Variants in TENT5C observed in about 807,000 individuals in gnomAD.
TENT5C encodes family with sequence similarity 46 member C.
TENT5C carries 5 observed loss-of-function variants against 22.2 expected under a neutral mutation model. The ratio of observed to expected loss-of-function variants is 0.22; its 90% CI spans 0.12 to 0.47. The LOEUF (loss-of-function observed/expected upper bound fraction) is 0.47, where lower values mean the gene tolerates loss of function less well. Ranked by LOEUF, TENT5C falls within the 20% of genes least tolerant of loss-of-function variation. The pLI, the probability that TENT5C is intolerant of heterozygous loss-of-function variation, is 0.99. For synonymous variants in TENT5C, 199 were observed against 195.4 expected (o/e 1.02, Z -0.15); for missense variants, 364 against 500.9 (o/e 0.73, Z 2.61).
chr1:117,613,096 G>A (rs192092836), intron 1 of TENT5C, among the ~76,000 whole-genome samples: 4 of 152,264 alleles, frequency 2.6e-5, no homozygotes, highest in Non-Finnish European at 5.9e-5. Context: ...CTCTCTTTGG[G>A]GAGCTCTTTA....
chr1:117,615,592 T>A (rs1653763371), intron 1 of TENT5C, among the ~76,000 whole-genome samples: 1 of 152,244 alleles, frequency 6.6e-6, no homozygotes, highest in African/African-American at 2.4e-5. Context: ...TGGCCATGGC[T>A]GTGGCTGCCG....
chr1:117,615,495 T>G (rs962392595), intron 1 of TENT5C, among the ~76,000 whole-genome samples: 8 of 152,264 alleles, frequency 5.3e-5, no homozygotes, highest in African/African-American at 1.9e-4. Context: ...CTGAAAGCAC[T>G]GTTTTACTGC....
chr1:117,613,494 T>C (rs1447681224), intron 1 of TENT5C, among the ~76,000 whole-genome samples: 2 of 152,142 alleles, frequency 1.3e-5, no homozygotes, highest in Admixed American at 6.5e-5. Flanking sequence ...AGCTTTCTGT[T>C]TGGAGTTGTC....
intron 1 of TENT5C, among the ~76,000 whole-genome samples, chr1:117,615,184 A>AT (rs1653755103): frequency 1.3e-5 from 2 of 152,066 alleles, no homozygotes; most frequent in East Asian, 1.9e-4. Flanking sequence ...CTACCATCTT[A>AT]TTTTTTAAAA....
Position 117,612,843 on chromosome 1 carries a change from G to A in TENT5C, c.-28+6690G>A, listed in dbSNP as rs1653698647. Among the ~76,000 whole-genome samples the A allele has an allele frequency of 2.0e-5, 3 of 152,356 alleles. No individual in the cohort carries two copies. In the South Asian group the frequency reaches 6.2e-4, roughly 32 times the overall value. On this transcript the variant is annotated intron_variant, in intron 1 of 1. Coordinates refer to ENST00000369448, the MANE Select transcript of TENT5C (RefSeq NM_017709.4). ...TAAGGCCTGGGCAGGGAAGCTGCTA[G>A]TGATTAGACAGGACTTTTAGCTGAC...
At position 117,624,019 on chromosome 1, in the gene TENT5C, A is replaced by G. The variant is rs749590706; in HGVS notation, c.1151A>G (p.Tyr384Cys). 10 of 1,613,170 alleles carry G rather than the reference A, an allele frequency of 6.2e-6. No homozygotes were observed. The East Asian group carries it at 2.2e-4, about 36-fold the overall frequency. ...CCTCCAGTCACCTACAGCCAGCCTT[A>G]CCCTACCTGGCTGCCCTGTAACTAA... ...AHPPVTYSQP[Y>C]PTWLPCN Residue 384 changes from tyrosine (Y) to cysteine (C), a missense_variant, in exon 2 of 2, where the codon TAC becomes TGC. This residue lies in a region of TENT5C where 54 missense variants were observed against 76.5 expected (regional missense o/e 0.71). Coordinates refer to ENST00000369448, the MANE Select transcript of TENT5C (RefSeq NM_017709.4).
At chr1:117,615,857 A>G (rs949642681) in intron 1 of TENT5C, among the ~76,000 whole-genome samples, 1 of 152,166 alleles carries the variant, frequency 6.6e-6, no homozygotes, top group African/African-American at 2.4e-5. Flanking sequence ...GCTTTTTGCT[A>G]TCTTTGGTGT....
Position 117,625,439 on chromosome 1 carries a change from G to C in TENT5C, c.*1395G>C. The C allele has an allele frequency of 4.0e-6, 1 of 248,162 alleles. No homozygotes were observed. The allele number at this position is 248,162 out of a possible 1,614,324, so 15.4% of individuals were successfully genotyped here. ...TAATCTGTAGTTGAAAGAAAGCTTA[G>C]TAGATGAGAGAGTTCTAGGCTACTG... On this transcript the variant is annotated 3_prime_UTR_variant, in exon 2 of 2. Coordinates refer to ENST00000369448, the MANE Select transcript of TENT5C (RefSeq NM_017709.4).
chr1:117,607,291 C>T (rs752116982), intron 1 of TENT5C, among the ~76,000 whole-genome samples: 2 of 152,084 alleles, frequency 1.3e-5, no homozygotes, highest in African/African-American at 4.8e-5. Flanking sequence ...CCTTTTTTGT[C>T]CATAGGTAGG....
At chr1:117,622,023 G>GC (rs756134862) in intron 1 of TENT5C, among the ~76,000 whole-genome samples, 2 of 152,172 alleles carry the variant, frequency 1.3e-5, no homozygotes, top group Non-Finnish European at 2.9e-5. Context: ...GGCGCACACT[G>GC]CCCGGGGGAA....
rs910411986 is a variant in TENT5C, at chr1:117,626,186, C to G, written c.*2142C>G. On this transcript the variant is annotated 3_prime_UTR_variant, in exon 2 of 2. Transcript: ENST00000369448. Reference sequence around the variant, plus strand: ...CTAACAGAAATCAGTATTTCTTCTACTTAGAAGGCTTGGGGCCCAGGGTAA... The same window carrying G: ...CTAACAGAAATCAGTATTTCTTCTAGTTAGAAGGCTTGGGGCCCAGGGTAA... The G allele has an allele frequency of 8.1e-6, 2 of 246,838 alleles. No individual in the cohort carries two copies. Among genetic ancestry groups the G allele is most frequent in the African/African-American group, 2.2e-5 (1 of 45,062 alleles). The allele number at this position is 246,838 out of a possible 1,614,324, so 15.3% of individuals were successfully genotyped here.
chr1:117,618,877 T>C lies in TENT5C; in HGVS notation c.-27-3965T>C, dbSNP rs1653840161. ...GTGTAAGCACAGACTTTAACAGTTT[T>C]GCTGTTAGCAGTTTTGCTATTAACT... is the stretch of plus-strand genomic sequence containing the variant. On this transcript the variant is annotated intron_variant, in intron 1 of 1. Transcript: ENST00000369448. Among the ~76,000 whole-genome samples the C allele has an allele frequency of 2.0e-5, 3 of 152,206 alleles. No individual in the cohort carries two copies. In the South Asian group the frequency reaches 6.2e-4, roughly 31 times the overall value.
intron 1 of TENT5C, among the ~76,000 whole-genome samples, chr1:117,608,050 C>T (rs1378333108): frequency 6.8e-6 from 1 of 147,538 alleles, no homozygotes; most frequent in Non-Finnish European, 1.5e-5. Flanking sequence ...GGTAGCTATG[C>T]GGGGGTAGGG....
At chr1:117,622,683 A>G (rs1370865845) in intron 1 of TENT5C, among the ~76,000 whole-genome samples, 159 bp from the exon 2 acceptor site, 1 of 152,200 alleles carries the variant, frequency 6.6e-6, no homozygotes, top group East Asian at 1.9e-4. Flanking sequence ...TGTTTTTTAC[A>G]TATTTAACTC....
chr1:117,619,620 A>G (rs1368573183), intron 1 of TENT5C, among the ~76,000 whole-genome samples: 1 of 152,184 alleles, frequency 6.6e-6, no homozygotes, highest in Admixed American at 6.5e-5. Flanking sequence ...GTATAAGTAT[A>G]TATAAATGCA....
Position 117,626,799 on chromosome 1 carries a change from T to C in TENT5C, c.*2755T>C, listed in dbSNP as rs760868850. ...TAATCTAAAGTTAAGCAGTCTCTTA[T>C]TTGTTTCGGGACTCTGATTTGACTC... On this transcript the variant is annotated 3_prime_UTR_variant, in exon 2 of 2. Transcript: ENST00000369448. 1.2e-4 allele frequency: 29 copies of C among 248,052 alleles called. No individual in the cohort carries two copies. The highest frequency in any genetic ancestry group is 2.4e-4 in the Non-Finnish European group (28 of 118,148). 15.4% of individuals were successfully genotyped at this position (248,052 alleles called of 1,614,324 possible).
rs907406573 is a variant in TENT5C, at chr1:117,618,322, GA to G, written c.-27-4510del. 6.1e-5 allele frequency among the ~76,000 whole-genome samples: 9 copies of G among 148,126 alleles called. No individual in the cohort carries two copies. In the East Asian group the frequency reaches 7.8e-4, roughly 13 times the overall value. On this transcript the variant is annotated intron_variant, in intron 1 of 1. Transcript: ENST00000369448. ...TGAGAAATAGCAATTCTGTGAAACT[GA>G]AAAAAAAAATTTCTTTTGGTTAACA... is the stretch of plus-strand genomic sequence containing the variant.
At chr1:117,612,347 C>CA (rs1553248764) in intron 1 of TENT5C, among the ~76,000 whole-genome samples, 1 of 145,226 alleles carries the variant, frequency 6.9e-6, no homozygotes, top group Non-Finnish European at 1.5e-5. Context: ...GGTGCTCATT[C>CA]TTTTTTTTTT....
chr1:117,610,983 C>T (rs545787023), intron 1 of TENT5C, among the ~76,000 whole-genome samples: 71 of 152,326 alleles, frequency 4.7e-4, no homozygotes, highest in South Asian at 1.7e-3. Flanking sequence ...ACTGCCCACA[C>T]CCTCTTCCGT....
Sources: gnomAD v4.1 joint callset for allele counts (sites outside exome capture counted in the v4.1 genomes callset) on GRCh38, gnomAD v4.1.1 for gene constraint, gnomAD v4.1.1 regional missense constraint, MANE v1.5 for transcripts, NCBI Gene and HGNC (gene_info 2026-07-23, HGNC 2026-07-21) for gene names.